The following HELB variants were observed in gnomAD, a reference collection of about 807,000 sequenced individuals.
HELB encodes the protein DNA helicase B, also known as DNA 5'-3' helicase B.
In HELB, 96 loss-of-function variants were observed where a neutral mutation model predicts 101.7. The ratio of observed to expected loss-of-function variants is 0.94; its 90% CI spans 0.80 to 1.12. The LOEUF is 1.12. Ranked by LOEUF, HELB falls within the 50% of genes most tolerant of loss-of-function variation. HELB has a pLI of 0.00. For missense variants in HELB, 1,210 were observed against 1,291.9 expected, an observed-to-expected ratio of 0.94 and a Z score of 0.97; for synonymous variants, 437 against 459.7, an observed-to-expected ratio of 0.95 and a Z score of 0.63.
chr12:66,322,439 CCTGT>C (rs1270205736), intron 8 of HELB, among the ~76,000 whole-genome samples: 3 of 151,518 alleles, frequency 2.0e-5, no homozygotes, highest in African/African-American at 7.3e-5. Flanking sequence ...ATGGCACACA[CCTGT>C]AATCCCAGCT....
At chr12:66,321,374 G>A (rs2053668273) in intron 7 of HELB, 1 of 152,530 alleles carries the variant, frequency 6.6e-6, no homozygotes, top group African/African-American at 2.4e-5. Flanking sequence ...TTGGGGTGGG[G>A]AGTAGAGCAT....
chr12:66,321,775 A>G (rs1212379356), intron 7 of HELB, 173 bp from the exon 8 acceptor site: 2 of 502,898 alleles, frequency 4.0e-6, no homozygotes, highest in East Asian at 3.6e-5. Context: ...TCTCTTTCCT[A>G]TTGCCCTGGC....
In HELB at chr12:66,314,033, C is replaced by A; in HGVS notation, c.1728C>A (p.Asn576Lys). The change falls in exon 5 of 13, where the codon AAC becomes AAA. Residue 576 changes from asparagine (N) to lysine (K), a missense_variant. Physicochemically the swap from Asn to Lys is moderately conservative, Grantham distance 94. This residue lies in a region of HELB where 740 missense variants were observed against 728.8 expected (regional missense o/e 1.02). Coordinates refer to ENST00000247815, the MANE Select transcript of HELB (RefSeq NM_001370285.1). ...YSWTQTMMTT[N>K]KPWKFSSVRV... ...GGACTCAAACAATGATGACCACAAA[C>A]AAACCATGGAAATTTTCTTCGGTTA... 1 of 1,613,904 alleles carries A rather than the reference C, an allele frequency of 6.2e-7. No homozygotes were observed. The highest frequency in any genetic ancestry group is 2.2e-5 in the East Asian group (1 of 44,856).
At chr12:66,330,768 T>G (rs2053796547) in intron 11 of HELB, among the ~76,000 whole-genome samples, 1 of 150,410 alleles carries the variant, frequency 6.6e-6, no homozygotes, top group Admixed American at 6.6e-5. Flanking sequence ...ATCTATATGT[T>G]TACCTATTAC....
In HELB at chr12:66,305,737, C is replaced by T. The variant is rs550112011; in HGVS notation, c.607+587C>T. Among the ~76,000 whole-genome samples the T allele has an allele frequency of 2.6e-3, 312 of 121,144 alleles. 1 individual carries two copies. The highest frequency in any genetic ancestry group is 8.9e-3 in the African/African-American group (295 of 33,240). 79.5% of individuals were successfully genotyped at this position (121,144 alleles called of 152,430 possible). On this transcript the variant is annotated intron_variant, in intron 2 of 12. Transcript: ENST00000247815. ...TCCAGCCTAGGTGAGAGTGAGACAC[C>T]GTCTCAGTTAAAAAAAAAAAAAAAT...
rs772334560 is a variant in HELB, at chr12:66,310,427, T to TA, written c.1506dup (p.Ala503SerfsTer3). Reference sequence around the variant, plus strand: ...ATAGAGCAGTTGGAAGAAAGAGAAGTAAAAAAAGCCTGTGAAGATTTTGAA... The same window carrying TA: ...ATAGAGCAGTTGGAAGAAAGAGAAGTAAAAAAAAGCCTGTGAAGATTTTGAA... On this transcript the variant is annotated frameshift_variant, in exon 4 of 13. Transcript: ENST00000247815. LOFTEE classifies it high-confidence loss of function. The TA allele has an allele frequency of 1.2e-5, 20 of 1,613,846 alleles. No individual in the cohort carries two copies. The highest frequency in any genetic ancestry group is 2.7e-5 in the African/African-American group (2 of 74,820).
chr12:66,333,977 T>C (rs2053837765), intron 12 of HELB, among the ~76,000 whole-genome samples: 2 of 151,828 alleles, frequency 1.3e-5, no homozygotes. Context: ...CTGGGTAATA[T>C]GGTGAACCCC....
At chr12:66,343,368 C>T (rs2053931283) in intron 13 of HELB, 1 of 152,288 alleles carries the variant, frequency 6.6e-6, no homozygotes, top group South Asian at 2.1e-4. Context: ...GCAGTCCAAC[C>T]TCTTTAACCA....
At chr12:66,308,320 C>A (rs2053501592) in intron 3 of HELB, among the ~76,000 whole-genome samples, 1 of 152,086 alleles carries the variant, frequency 6.6e-6, no homozygotes. Context: ...AGGGAACAGT[C>A]CCCTCCCTCC....
Position 66,318,623 on chromosome 12 carries a change from T to C in HELB, c.2001-15T>C. The C allele has an allele frequency of 1.3e-6, 2 of 1,591,220 alleles. No homozygotes were observed. Among genetic ancestry groups the C allele is most frequent in the Non-Finnish European group, 1.7e-6 (2 of 1,173,864 alleles). ...TGATAATGTTCTTTGTGTGTGTGTG[T>C]TATCTTTATTCAAGAATCTCAAGAC... On this transcript the variant is annotated splice_polypyrimidine_tract_variant and intron_variant, in intron 6 of 12. Transcript: ENST00000247815.
At chr12:66,336,828 T>C (rs2053871123) in intron 12 of HELB, among the ~76,000 whole-genome samples, 1 of 152,158 alleles carries the variant, frequency 6.6e-6, no homozygotes, top group African/African-American at 2.4e-5. Flanking sequence ...TTCTTCTGAT[T>C]GCAACTGAGA....
rs924088669 is a variant in HELB, at chr12:66,321,677, C to T, written c.2156-271C>T. ...TGTTCATAAACCATCAGCAAATACA[C>T]AGTGAGTCTATTACAAATGGGGAAC... is the stretch of plus-strand genomic sequence containing the variant. On this transcript the variant is annotated intron_variant, in intron 7 of 12. Coordinates refer to ENST00000247815, the MANE Select transcript of HELB (RefSeq NM_001370285.1). 1.2e-5 allele frequency: 4 copies of T among 338,714 alleles called. No homozygotes were observed. The Admixed American group carries it at 1.9e-4, about 16-fold the overall frequency. 21.0% of individuals were successfully genotyped at this position (338,714 alleles called of 1,614,324 possible).
chr12:66,311,855 A>T (rs909373307), intron 4 of HELB, among the ~76,000 whole-genome samples: 1 of 152,204 alleles, frequency 6.6e-6, no homozygotes, highest in Non-Finnish European at 1.5e-5. Flanking sequence ...ATAAAGAAAC[A>T]TGGTAGTTGG....
intron 4 of HELB, 51 bp from the exon 5 acceptor site, chr12:66,313,935 G>GT: frequency 6.4e-7 from 1 of 1,568,132 alleles, no homozygotes; most frequent in Non-Finnish European, 8.7e-7. Flanking sequence ...TTAATTTTTG[G>GT]TTTTGTAGAT....
rs74262414 is a variant in HELB at position 66,303,086 on chromosome 12, CT to C, written c.187+317del. On this transcript the variant is annotated intron_variant, in intron 1 of 12. Coordinates refer to ENST00000247815, the MANE Select transcript of HELB (RefSeq NM_001370285.1). ...TGGAAGGGGACCCGAGCGGGTTGCCCTTTTTTTTTTTTTTTTTTTTTAAAAT... is the reference window on the plus strand; with the variant it reads ...TGGAAGGGGACCCGAGCGGGTTGCCCTTTTTTTTTTTTTTTTTTTTAAAAT... 1.9e-3 allele frequency among the ~76,000 whole-genome samples: 239 copies of C among 125,602 alleles called. 2 individuals are homozygous for C. Among genetic ancestry groups the C allele is most frequent in the East Asian group, 9.3e-3 (43 of 4,630 alleles). 82.4% of individuals were successfully genotyped at this position (125,602 alleles called of 152,430 possible).
intron 12 of HELB, among the ~76,000 whole-genome samples, chr12:66,332,859 A>G (rs1183067585): frequency 6.6e-6 from 1 of 152,166 alleles, no homozygotes; most frequent in Non-Finnish European, 1.5e-5. Context: ...ACCTTTCTCA[A>G]TTTGATTCCA....
intron 7 of HELB, chr12:66,321,257 A>C (rs71450852): frequency 6.6e-6 from 1 of 152,154 alleles, no homozygotes; most frequent in Non-Finnish European, 1.5e-5. Flanking sequence ...CAGACTACCC[A>C]ATGGCTGTAG....
At chr12:66,319,093 A>G (rs2053642428) in intron 7 of HELB, among the ~76,000 whole-genome samples, 1 of 152,206 alleles carries the variant, frequency 6.6e-6, no homozygotes, top group Non-Finnish European at 1.5e-5. Context: ...ATTTAGGACA[A>G]AGCAAGTCTT....
intron 7 of HELB, among the ~76,000 whole-genome samples, chr12:66,319,498 T>C (rs547685080): frequency 2.0e-5 from 3 of 152,324 alleles, no homozygotes; most frequent in African/African-American, 7.2e-5. Context: ...TTGTGACTAA[T>C]AGATGTTATT....
Sources: gnomAD v4.1 joint callset for allele counts (sites outside exome capture counted in the v4.1 genomes callset) on GRCh38, gnomAD v4.1.1 for gene constraint, gnomAD v4.1.1 regional missense constraint, MANE v1.5 for transcripts, NCBI Gene and HGNC (gene_info 2026-07-23, HGNC 2026-07-21) for gene names.